Variants in MYH13 observed in about 807,000 individuals in gnomAD.
MYH13 encodes myosin-13.
A neutral mutation model predicts 232.1 loss-of-function variants in MYH13; 177 were observed. The observed-to-expected ratio is 0.76, with a 90% CI of 0.67 to 0.86. The LOEUF is 0.86. MYH13 is among the 40% of genes least tolerant of loss of function. MYH13 has a pLI of 0.00. For synonymous variants in MYH13, 884 were observed against 923.5 expected (o/e 0.96, Z 0.78); for missense variants, 2,246 against 2,405.9 (o/e 0.93, Z 1.39).
At chr17:10,351,478 T>A (rs886409704) in intron 11 of MYH13, among the ~76,000 whole-genome samples, 42 of 152,194 alleles carry the variant, frequency 2.8e-4, no homozygotes, top group African/African-American at 9.9e-4. Flanking sequence ...AAAGATGGCA[T>A]CATCATTTCC....
intron 23 of MYH13, among the ~76,000 whole-genome samples, 189 bp downstream of exon 23, chr17:10,323,833 A>AAGAAGAAGAAGAAGAGTC (rs1409824742): frequency 7.0e-6 from 1 of 142,618 alleles, no homozygotes; most frequent in Admixed American, 7.0e-5. Context: ...GAAGAAGAAG[A>AAGAAGAAGAAGAAGAGTC]GTCTATGGGT....
In MYH13 at chr17:10,350,616, C is replaced by T. The variant is rs776177839; in HGVS notation, c.1084G>A (p.Gly362Arg). 6.2e-6 allele frequency: 10 copies of T among 1,613,746 alleles called. No individual in the cohort carries two copies. The highest frequency in any genetic ancestry group is 1.7e-6 in the Non-Finnish European group (2 of 1,179,992). Residue 362 changes from glycine to arginine, a missense_variant, in exon 12 of 41, where the codon GGG becomes AGG. By Grantham distance (125) the Gly-to-Arg change is moderately radical (BLOSUM62 -2). Coordinates refer to ENST00000252172, the MANE Select transcript of MYH13 (RefSeq NM_003802.3). ...TGCTTCTGCTTGAACTTCATGTTCC[C>T]ATAATGCATCACGGCTCCCGTCAGT... ...YKLTGAVMHY[G>R]NMKFKQKQRE...
rs565202616 is a variant in MYH13, at chr17:10,321,825, C to G, written c.2935-117G>C. ...TTTTCCCTTTTCTTTTTGGCTACTA[C>G]TTTTTTACCTCCTAGAATTGACAGA... On this transcript the variant is annotated intron_variant, in intron 23 of 40. Coordinates refer to ENST00000252172, the MANE Select transcript of MYH13 (RefSeq NM_003802.3). 59 of 841,862 alleles carry G rather than the reference C, an allele frequency of 7.0e-5. No homozygotes were observed. In the East Asian group the frequency reaches 9.2e-4, roughly 13 times the overall value. 52.1% of individuals were successfully genotyped at this position (841,862 alleles called of 1,614,324 possible). A position where few individuals can be genotyped will look rare whatever the true frequency, so the allele number is the denominator to read the frequency against.
Position 10,306,256 on chromosome 17 carries a change from G to GTT in MYH13, c.5466+202_5466+203insAA. Reference sequence around the variant, plus strand: ...TGTGTGTGTGTGTGTGTGTGTGTGTGTGTGTGTGTGTGTTTTGGGGCATAG... The same window carrying GTT: ...TGTGTGTGTGTGTGTGTGTGTGTGTGTTTGTGTGTGTGTGTTTTGGGGCATAG... On this transcript the variant is annotated intron_variant, in intron 37 of 40. Coordinates refer to ENST00000252172, the MANE Select transcript of MYH13 (RefSeq NM_003802.3). This position sits in a 1 kb window ranked among gnomAD's most constrained non-coding sequence, Gnocchi z 4.3. 6.6e-6 allele frequency among the ~76,000 whole-genome samples: 1 copy of GTT among 150,700 alleles called. No individual in the cohort carries two copies. Among genetic ancestry groups the GTT allele is most frequent in the Non-Finnish European group, 1.5e-5 (1 of 67,512 alleles).
In MYH13 at chr17:10,301,849, G is replaced by A. The variant is rs182674669; in HGVS notation, c.5668-146C>T. 1.3e-4 allele frequency: 151 copies of A among 1,128,334 alleles called. No homozygotes were observed. The East Asian group carries it at 2.4e-3, about 18-fold the overall frequency. The allele number at this position is 1,128,334 out of a possible 1,614,324, so 69.9% of individuals were successfully genotyped here. ...AGAGGGCAGGGAAGCTTTCTCCAGC[G>A]TGTGAGGACAAGGCTCCCAGCTCAC... is the stretch of plus-strand genomic sequence containing the variant. On this transcript the variant is annotated intron_variant, in intron 39 of 40. Coordinates refer to ENST00000252172, the MANE Select transcript of MYH13 (RefSeq NM_003802.3).
At position 10,311,106 on chromosome 17, in the gene MYH13, C is replaced by T. The variant is rs746471936; in HGVS notation, c.4653G>A (p.Val1551=). 2 of 1,613,936 alleles carry T rather than the reference C, an allele frequency of 1.2e-6. No individual in the cohort carries two copies. The highest frequency in any genetic ancestry group is 1.1e-5 in the South Asian group (1 of 91,074). ...KSDLQVALEE[V]EGSLEHEESK... is the part of the protein sequence containing the mutation. ...ATGTCATATCCTAGACACTTACCTC[C>T]ACTTCTTCTAAGGCGACCTGCAGAT... Residue 1551 remains valine, a synonymous_variant, in exon 33 of 41, where the codon GTG becomes GTA. Transcript: ENST00000252172.
Position 10,345,641 on chromosome 17 carries a change from C to T in MYH13, c.1264-25G>A, listed in dbSNP as rs1439236166. ...CCTTGAAAAAGGATCACCCACTCAA[C>T]CCTTGAGTTAGTGTTTCTATGGCTG... On this transcript the variant is annotated intron_variant, in intron 13 of 40. Coordinates refer to ENST00000252172, the MANE Select transcript of MYH13 (RefSeq NM_003802.3). 3.7e-6 allele frequency: 6 copies of T among 1,614,004 alleles called. No homozygotes were observed. The South Asian group carries it at 5.5e-5, about 15-fold the overall frequency.
rs750909878 is a variant in MYH13, at chr17:10,312,709, C to T, written c.4230G>A (p.Thr1410=). The part of the protein sequence containing the change: ...RLQEAEENTE[T]ANSKCASLEK... Reference sequence around the variant, plus strand: ...CCAACGATGCGCACTTGGAGTTCGCCGTCTCCGTGTTCTCCTCTGCTTCCT... The same window carrying T: ...CCAACGATGCGCACTTGGAGTTCGCTGTCTCCGTGTTCTCCTCTGCTTCCT... Residue 1410 remains threonine (T), a synonymous_variant, in exon 31 of 41, where the codon ACG becomes ACA. Coordinates refer to ENST00000252172, the MANE Select transcript of MYH13 (RefSeq NM_003802.3). 2.0e-5 allele frequency: 33 copies of T among 1,613,452 alleles called. No homozygotes were observed. The highest frequency in any genetic ancestry group is 5.3e-5 in the African/African-American group (4 of 74,854).
At chr17:10,360,101 G>A in intron 6 of MYH13, 30 bp from the exon 7 acceptor site, 1 of 1,614,058 alleles carries the variant, frequency 6.2e-7, no homozygotes, top group Non-Finnish European at 8.5e-7. Context: ...CGGGATAAAG[G>A]AGAGTGGAAG....
rs71139041 is a variant in MYH13, at chr17:10,347,712, C to CTTTTTTTTTTT, written c.1145-925_1145-915dup. The stretch of plus-strand genomic sequence containing the variant: ...AAATGCTGCTCCCCAGGGACTACTT[C>CTTTTTTTTTTT]TTTTTTTTTTTTTTTTTTTTTTTGG... On this transcript the variant is annotated intron_variant, in intron 12 of 40. Coordinates refer to ENST00000252172, the MANE Select transcript of MYH13 (RefSeq NM_003802.3). 1.8e-4 allele frequency among the ~76,000 whole-genome samples: 16 copies of CTTTTTTTTTTT among 86,718 alleles called. 1 individual carries two copies. The highest frequency in any genetic ancestry group is 5.0e-4 in the Admixed American group (3 of 5,988). 56.9% of individuals were successfully genotyped at this position (86,718 alleles called of 152,430 possible). A position where few individuals can be genotyped will look rare whatever the true frequency, so the allele number is the denominator to read the frequency against.
intron 29 of MYH13, among the ~76,000 whole-genome samples, chr17:10,314,941 G>A (rs1680043128): frequency 6.6e-6 from 1 of 152,218 alleles, no homozygotes; most frequent in South Asian, 2.1e-4. Context: ...TTATGCGACT[G>A]TCTCAAGGGT....
At chr17:10,340,657 T>C (rs2071613816) in intron 16 of MYH13, among the ~76,000 whole-genome samples, 1 of 152,166 alleles carries the variant, frequency 6.6e-6, no homozygotes, top group East Asian at 1.9e-4. Flanking sequence ...TAGCTGAGAC[T>C]ACAGGCGTGT....
intron 16 of MYH13, among the ~76,000 whole-genome samples, chr17:10,341,957 T>C (rs2071622525): frequency 6.6e-6 from 1 of 152,180 alleles, no homozygotes; most frequent in African/African-American, 2.4e-5. Context: ...ATGTATGCAT[T>C]TAAAATGGCA....
intron 21 of MYH13, among the ~76,000 whole-genome samples, chr17:10,328,826 C>T (rs1196353324): frequency 2.0e-5 from 3 of 151,986 alleles, no homozygotes; most frequent in South Asian, 2.1e-4. Flanking sequence ...TACAGGTATG[C>T]GCCACCACGC....
Position 10,300,882 on chromosome 17 carries a change from A to G in MYH13, c.*69T>C. ...GCCGGGAATCCGAGTATTTAGGAGA[A>G]TTTATTTCTCACACATTTTCCCTCC... On this transcript the variant is annotated 3_prime_UTR_variant, in exon 41 of 41. Transcript: ENST00000252172. 2 of 1,510,446 alleles carry G rather than the reference A, an allele frequency of 1.3e-6. No homozygotes were observed. The highest frequency in any genetic ancestry group is 2.3e-5 in the East Asian group (1 of 44,256). 93.6% of individuals were successfully genotyped at this position (1,510,446 alleles called of 1,614,324 possible). A position where few individuals can be genotyped will look rare whatever the true frequency, so the allele number is the denominator to read the frequency against.
chr17:10,350,472 A>G (rs989472495), intron 12 of MYH13, 84 bp downstream of exon 12: 26 of 1,527,182 alleles, frequency 1.7e-5, no homozygotes, highest in Non-Finnish European at 2.2e-5. Flanking sequence ...CAGCTCTTGA[A>G]ATGAATGCAG....
chr17:10,320,544 T>A, intron 24 of MYH13, 48 bp from the exon 25 acceptor site: 1 of 1,577,800 alleles, frequency 6.3e-7, no homozygotes, highest in East Asian at 2.3e-5. Flanking sequence ...GGGGAAGTGT[T>A]TGCCCCGTTT....
At chr17:10,350,515 A>C (rs745768291) in intron 12 of MYH13, 41 bp downstream of exon 12, 1 of 1,599,290 alleles carries the variant, frequency 6.3e-7, no homozygotes, top group Non-Finnish European at 8.5e-7. Flanking sequence ...GCACATGAAC[A>C]TAGATGGACC....
chr17:10,324,390 A>G (rs1044048389), intron 22 of MYH13, 126 bp from the exon 23 acceptor site: 20 of 1,110,444 alleles, frequency 1.8e-5, no homozygotes, highest in Non-Finnish European at 2.6e-5. Context: ...ACACACATGC[A>G]CGCACATGTG....
Sources: allele counts gnomAD v4.1 joint callset (sites outside exome capture counted in the v4.1 genomes callset), GRCh38; gene constraint gnomAD v4.1.1; non-coding constraint Gnocchi (gnomAD v3.1); transcripts MANE v1.5; gene names NCBI Gene and HGNC (gene_info 2026-07-23, HGNC 2026-07-21).